Variants in RBFOX1 observed in about 807,000 individuals in gnomAD.
RBFOX1 encodes the protein RNA binding fox-1 homolog 1.
A neutral mutation model predicts 57.7 loss-of-function variants in RBFOX1; 8 were observed. The observed-to-expected ratio is 0.14, with a 90% CI of 0.08 to 0.25. The LOEUF is 0.25. Ranked by LOEUF, RBFOX1 falls within the 10% of genes least tolerant of loss-of-function variation. The pLI, the probability that RBFOX1 is intolerant of heterozygous loss-of-function variation, is 1.00. For synonymous variants in RBFOX1, 326 were observed against 222.4 expected, an observed-to-expected ratio of 1.47 and a Z score of -4.15; for missense variants, 611 against 548.5, an observed-to-expected ratio of 1.11 and a Z score of -1.14.
intron 1 of RBFOX1, among the ~76,000 whole-genome samples, chr16:5,373,277 G>A (rs2065905037): frequency 6.6e-6 from 1 of 152,170 alleles, no homozygotes; most frequent in South Asian, 2.1e-4. Flanking sequence ...GGGCCAGTGG[G>A]TGTGGTTTGG....
intron 4 of RBFOX1, among the ~76,000 whole-genome samples, chr16:5,876,791 A>G (rs1355550071): frequency 6.6e-6 from 1 of 152,180 alleles, no homozygotes; most frequent in Non-Finnish European, 1.5e-5. Flanking sequence ...TGTGCACCAA[A>G]TTAGACAGAA....
rs146636905 is a variant in RBFOX1 at position 5,486,534 on chromosome 16, G to A, written c.258+19280G>A. Reference sequence around the variant, plus strand: ...GAAGGTCTGTGCAGTGACAACAGGCGTTTGGAATCTCCACCTGCCAGTTAC... The same window carrying A: ...GAAGGTCTGTGCAGTGACAACAGGCATTTGGAATCTCCACCTGCCAGTTAC... On this transcript the variant is annotated intron_variant, in intron 2 of 2. Coordinates refer to the RBFOX1 transcript ENST00000585867. Among the ~76,000 whole-genome samples the A allele has an allele frequency of 2.3e-3, 348 of 152,300 alleles. 3 individuals are homozygous for A. Among genetic ancestry groups the A allele is most frequent in the African/African-American group, 7.8e-3 (324 of 41,554 alleles).
At chr16:5,425,109 C>CTATCTATTTATG (rs1567491272) in intron 1 of RBFOX1, among the ~76,000 whole-genome samples, 2 of 141,630 alleles carry the variant, frequency 1.4e-5, no homozygotes, top group Admixed American at 7.3e-5. Context: ...ATCTATCTAT[C>CTATCTATTTATG]TATCTATCTA....
At chr16:7,335,513 C>T (rs1275876667) in intron 4 of RBFOX1, among the ~76,000 whole-genome samples, 1 of 150,434 alleles carries the variant, frequency 6.6e-6, no homozygotes, top group Non-Finnish European at 1.5e-5. Context: ...AGAGTGCTCC[C>T]TTTTCATATT....
chr16:7,091,997 C>T (rs963469313), intron 4 of RBFOX1, among the ~76,000 whole-genome samples: 1 of 152,090 alleles, frequency 6.6e-6, no homozygotes, highest in Non-Finnish European at 1.5e-5. Context: ...AAACAATACA[C>T]GTGCCCTTTG....
At chr16:7,011,757 G>A (rs1404732613) in intron 3 of RBFOX1, among the ~76,000 whole-genome samples, 5 of 152,102 alleles carry the variant, frequency 3.3e-5, no homozygotes, top group African/African-American at 4.8e-5. Context: ...CTCGTGATCC[G>A]CCTGCCTTGG....
intron 3 of RBFOX1, among the ~76,000 whole-genome samples, chr16:6,752,809 C>G (rs2075164900): frequency 1.0e-5 from 1 of 98,104 alleles, no homozygotes. Context: ...AACTTTATTC[C>G]TACTCCTATT....
intron 3 of RBFOX1, among the ~76,000 whole-genome samples, chr16:7,036,586 G>A (rs1048603742): frequency 5.9e-5 from 9 of 151,944 alleles, no homozygotes; most frequent in African/African-American, 1.5e-4. Context: ...CCAACTATTC[G>A]GGAGGCTGAG....
intron 3 of RBFOX1, among the ~76,000 whole-genome samples, chr16:5,835,121 AC>A (rs200189080): frequency 1.5e-3 from 224 of 150,934 alleles, no homozygotes; most frequent in East Asian, 4.5e-3. Flanking sequence ...ATTATATAGG[AC>A]CCCCCCCAGA....
At chr16:5,591,252 C>A (rs1003507703) in intron 2 of RBFOX1, among the ~76,000 whole-genome samples, 1 of 141,550 alleles carries the variant, frequency 7.1e-6, no homozygotes, top group Non-Finnish European at 1.5e-5. Context: ...CAAAATGAAC[C>A]TTTTTTTTTT....
intron 3 of RBFOX1, among the ~76,000 whole-genome samples, chr16:6,861,113 G>A (rs1381763719): frequency 6.6e-6 from 1 of 152,058 alleles, no homozygotes; most frequent in African/African-American, 2.4e-5. Flanking sequence ...CAAGCTGCGG[G>A]GTGGACATAC....
intron 3 of RBFOX1, among the ~76,000 whole-genome samples, chr16:5,755,920 G>A (rs371313838): frequency 6.6e-6 from 1 of 152,070 alleles, no homozygotes; most frequent in Non-Finnish European, 1.5e-5. Flanking sequence ...TGGAGCTGAG[G>A]GCATAATGAA....
At chr16:6,099,845 C>G (rs560914813) in intron 1 of RBFOX1, among the ~76,000 whole-genome samples, 1 of 152,180 alleles carries the variant, frequency 6.6e-6, no homozygotes, top group Non-Finnish European at 1.5e-5. Context: ...TTTAAGAGAA[C>G]ATGAATAACA....
At chr16:6,701,384 CA>C in intron 3 of RBFOX1, among the ~76,000 whole-genome samples, 1 of 152,210 alleles carries the variant, frequency 6.6e-6, no homozygotes. Context: ...ACTGACTCCA[CA>C]AAGTGGGAAG....
chr16:7,058,480 A>C (rs9930603), intron 4 of RBFOX1, among the ~76,000 whole-genome samples: 1 of 151,608 alleles, frequency 6.6e-6, no homozygotes, highest in African/African-American at 2.4e-5. Flanking sequence ...GCAACTTAGC[A>C]CTTTGTAGCC....
At chr16:6,625,502 G>A (rs1317720157) in intron 2 of RBFOX1, among the ~76,000 whole-genome samples, 1 of 152,108 alleles carries the variant, frequency 6.6e-6, no homozygotes, top group Non-Finnish European at 1.5e-5. Context: ...AGGTATTTCT[G>A]ATGGGATTCA....
chr16:5,745,439 A>G (rs563949065), intron 3 of RBFOX1, among the ~76,000 whole-genome samples: 7 of 152,282 alleles, frequency 4.6e-5, no homozygotes, highest in South Asian at 4.1e-4. Flanking sequence ...ATGATTTACA[A>G]TCCTTTCAGT....
At chr16:5,570,232 G>C (rs1159350160) in intron 2 of RBFOX1, among the ~76,000 whole-genome samples, 1 of 152,054 alleles carries the variant, frequency 6.6e-6, no homozygotes, top group African/African-American at 2.4e-5. Context: ...TTTGCACATA[G>C]CACACATGAT....
intron 4 of RBFOX1, among the ~76,000 whole-genome samples, chr16:5,969,525 T>C (rs2059921974): frequency 6.7e-6 from 1 of 149,926 alleles, no homozygotes; most frequent in African/African-American, 2.5e-5. Flanking sequence ...GGTTTCACTG[T>C]GTTGGCCAGG....
Sources: allele counts gnomAD v4.1 joint callset (sites outside exome capture counted in the v4.1 genomes callset), GRCh38; gene constraint gnomAD v4.1.1; transcripts MANE v1.5; gene names NCBI Gene and HGNC (gene_info 2026-07-23, HGNC 2026-07-21).